The following NUCB2 variants were observed in gnomAD, a reference collection of about 807,000 sequenced individuals.
The protein encoded by NUCB2 is nucleobindin 2, also known as nucleobindin-2.
In NUCB2, 48 loss-of-function variants were observed where a neutral mutation model predicts 57.9. The observed-to-expected ratio is 0.83, with a 90% CI of 0.66 to 1.05. The LOEUF is 1.05. Among genes scored for constraint, NUCB2 ranks in the 50% least tolerant of loss-of-function variants. The pLI is 0.00. For missense variants in NUCB2, 442 were observed against 476.2 expected, an observed-to-expected ratio of 0.93 and a Z score of 0.67; for synonymous variants, 139 against 152.1, an observed-to-expected ratio of 0.91 and a Z score of 0.64.
intron 2 of NUCB2, among the ~76,000 whole-genome samples, chr11:17,343,405 C>T (rs559012661): frequency 6.6e-6 from 1 of 152,290 alleles, no homozygotes; most frequent in African/African-American, 2.4e-5. Flanking sequence ...TTTCAATGTG[C>T]ATTTTTAGTG....
intron 11 of NUCB2, among the ~76,000 whole-genome samples, chr11:17,317,336 A>G (rs1317644243): frequency 1.3e-5 from 2 of 152,164 alleles, no homozygotes; most frequent in African/African-American, 2.4e-5. Flanking sequence ...GTACATATAT[A>G]TAAAGTTTTG....
chr11:17,279,779 ATTTTTT>A (rs34261908), intron 1 of NUCB2, among the ~76,000 whole-genome samples: 147 of 96,326 alleles, frequency 1.5e-3, no homozygotes, highest in African/African-American at 5.3e-3. Flanking sequence ...TTGGCAGAGC[ATTTTTT>A]TTTTTTTTTT....
At chr11:17,348,150 G>T (rs1443706540) in intron 2 of NUCB2, among the ~76,000 whole-genome samples, 1 of 151,772 alleles carries the variant, frequency 6.6e-6, no homozygotes, top group African/African-American at 2.4e-5. Flanking sequence ...ATCTTGCTAT[G>T]TTGGCCAGTT....
Position 17,330,066 on chromosome 11 carries a change from C to T in NUCB2, c.1003-61C>T. 1.1e-6 allele frequency: 1 copy of T among 946,822 alleles called. No individual in the cohort carries two copies. The highest frequency in any genetic ancestry group is 1.9e-5 in the South Asian group (1 of 51,404). 58.7% of individuals were successfully genotyped at this position (946,822 alleles called of 1,614,324 possible). Reference sequence around the variant, plus strand: ...CTTTGCTAACCATAGAATTTTAAAGCTAAATCAGACTTTATTGTTGTAGTT... The same window carrying T: ...CTTTGCTAACCATAGAATTTTAAAGTTAAATCAGACTTTATTGTTGTAGTT... On this transcript the variant is annotated intron_variant, in intron 11 of 13. Transcript: ENST00000529010. This position sits in a 1 kb window ranked among gnomAD's most constrained non-coding sequence, Gnocchi z 4.3.
intron 5 of NUCB2, among the ~76,000 whole-genome samples, chr11:17,302,770 C>T (rs1391700910): frequency 1.1e-4 from 17 of 150,144 alleles, no homozygotes; most frequent in African/African-American, 3.4e-4. Flanking sequence ...GATGGAGTCT[C>T]GCTCTGTCGC....
At chr11:17,285,743 C>CAAAA (rs1159389193) in intron 2 of NUCB2, among the ~76,000 whole-genome samples, 5 of 36,112 alleles carry the variant, frequency 1.4e-4, no homozygotes, top group Admixed American at 2.9e-4. Flanking sequence ...GACTCCGTCT[C>CAAAA]AAAAAAAAAA....
rs113905843 is a variant in NUCB2 at position 17,315,228 on chromosome 11, C to T, written c.913-158C>T. Among the ~76,000 whole-genome samples, 703 of 152,130 alleles carry T rather than the reference C, an allele frequency of 4.6e-3. 7 individuals are homozygous for T. The highest frequency in any genetic ancestry group is 0.016 in the African/African-American group (675 of 41,502). ...TGTAATTCTAGTATAATGTTGAGTG[C>T]TCTGTTTTTTATTTTTTTCCTCCAG... On this transcript the variant is annotated intron_variant, in intron 10 of 13. Transcript: ENST00000529010.
intron 11 of NUCB2, among the ~76,000 whole-genome samples, chr11:17,329,424 C>G (rs532119305): frequency 6.6e-6 from 1 of 152,354 alleles, no homozygotes; most frequent in African/African-American, 2.4e-5. Flanking sequence ...CAGAGCACTT[C>G]AGCCCGCATG....
intron 4 of NUCB2, among the ~76,000 whole-genome samples, chr11:17,301,392 C>T (rs1055392740): frequency 3.3e-5 from 5 of 150,076 alleles, no homozygotes; most frequent in African/African-American, 1.2e-4. Flanking sequence ...GATTCTTCTG[C>T]CCCAGCCTCC....
intron 11 of NUCB2, among the ~76,000 whole-genome samples, chr11:17,316,140 T>G (rs558517508): frequency 1.3e-4 from 20 of 152,106 alleles, no homozygotes; most frequent in African/African-American, 3.4e-4. Flanking sequence ...CCCGGCTAAT[T>G]TTTGTATTTT....
intron 5 of NUCB2, among the ~76,000 whole-genome samples, chr11:17,307,496 AT>A (rs933073084): frequency 6.6e-5 from 10 of 152,208 alleles, no homozygotes; most frequent in East Asian, 1.9e-4. Flanking sequence ...TACAAATACA[AT>A]TTTTTTATTG....
intron 2 of NUCB2, among the ~76,000 whole-genome samples, chr11:17,287,627 T>G (rs1300730897): frequency 7.2e-6 from 1 of 138,652 alleles, no homozygotes; most frequent in Admixed American, 7.6e-5. Context: ...GAGCCAAGAT[T>G]GCACCACTGC....
chr11:17,308,747 A>AAAATT (rs1948065717), intron 5 of NUCB2, among the ~76,000 whole-genome samples: 1 of 152,232 alleles, frequency 6.6e-6, no homozygotes, highest in African/African-American at 2.4e-5. Flanking sequence ...AAACGTTAAA[A>AAAATT]AAATTGATAT....
At chr11:17,340,354 T>C (rs952154119) in intron 2 of NUCB2, among the ~76,000 whole-genome samples, 2 of 152,220 alleles carry the variant, frequency 1.3e-5, no homozygotes, top group African/African-American at 2.4e-5. Context: ...TTTAGTTTAA[T>C]TAGATCCCAT....
intron 11 of NUCB2, among the ~76,000 whole-genome samples, chr11:17,321,686 A>G (rs1443774608): frequency 1.3e-5 from 2 of 152,164 alleles, no homozygotes; most frequent in Non-Finnish European, 2.9e-5. Context: ...ACTGTTCTCC[A>G]TAGTGGTTGT....
At chr11:17,342,656 G>A (rs1186349027) in intron 2 of NUCB2, among the ~76,000 whole-genome samples, 8 of 150,116 alleles carry the variant, frequency 5.3e-5, no homozygotes, top group African/African-American at 2.0e-4. Context: ...GTTCTAGTTT[G>A]ATTGCACTGT....
chr11:17,284,176 C>T (rs1379068966), intron 2 of NUCB2, among the ~76,000 whole-genome samples: 1 of 152,106 alleles, frequency 6.6e-6, no homozygotes, highest in African/African-American at 2.4e-5. Flanking sequence ...CACCACCACA[C>T]CCAACTAATT....
At chr11:17,306,492 G>T (rs1005964267) in intron 5 of NUCB2, among the ~76,000 whole-genome samples, 2 of 152,224 alleles carry the variant, frequency 1.3e-5, no homozygotes, top group African/African-American at 4.8e-5. Context: ...AGTCAGGCAT[G>T]CAAGGTAATT....
At chr11:17,306,252 A>G (rs1947624192) in intron 5 of NUCB2, among the ~76,000 whole-genome samples, 1 of 152,168 alleles carries the variant, frequency 6.6e-6, no homozygotes, top group Non-Finnish European at 1.5e-5. Context: ...CTGAACATTT[A>G]ACTCTTGGAA....
Sources: allele counts gnomAD v4.1 joint callset (sites outside exome capture counted in the v4.1 genomes callset), GRCh38; gene constraint gnomAD v4.1.1; non-coding constraint Gnocchi (gnomAD v3.1); transcripts MANE v1.5; gene names NCBI Gene and HGNC (gene_info 2026-07-23, HGNC 2026-07-21).